SUGCT: variants seen among roughly 807,000 people sequenced by gnomAD.
SUGCT encodes the protein succinyl-CoA:glutarate-CoA transferase.
Under a neutral mutation model 55.0 loss-of-function variants are expected in SUGCT, and 41 were observed. The ratio of observed to expected loss-of-function variants is 0.74; its 90% CI spans 0.58 to 0.97. The LOEUF (loss-of-function observed/expected upper bound fraction) is 0.97. Among genes scored for constraint, SUGCT ranks in the 50% least tolerant of loss-of-function variants. The probability of loss-of-function intolerance (pLI) is 0.00; values close to 1 mark genes in which losing one functional copy is unlikely to be tolerated. For synonymous variants in SUGCT, 187 were observed against 200.4 expected (o/e 0.93, Z 0.56); for missense variants, 568 against 547.8 (o/e 1.04, Z -0.37).
intron 12 of SUGCT, among the ~76,000 whole-genome samples, chr7:40,689,071 T>C (rs975502485): frequency 5.3e-5 from 8 of 152,190 alleles, no homozygotes; most frequent in African/African-American, 1.4e-4. Flanking sequence ...GAGAGACTTA[T>C]TTTTCTGAGG....
chr7:40,371,879 C>T (rs988876899), intron 9 of SUGCT, among the ~76,000 whole-genome samples: 1 of 151,798 alleles, frequency 6.6e-6, no homozygotes, highest in African/African-American at 2.4e-5. Flanking sequence ...ACTGGAATTT[C>T]TTTCTAATCC....
intron 1 of SUGCT, chr7:40,151,635 C>T (rs1202765247): frequency 4.4e-6 from 1 of 227,642 alleles, no homozygotes; most frequent in East Asian, 1.1e-4. Context: ...TTCAAGAAGC[C>T]ACTAACAGCT....
intron 12 of SUGCT, among the ~76,000 whole-genome samples, chr7:40,529,633 T>C (rs1793982338): frequency 6.6e-6 from 1 of 152,198 alleles, no homozygotes; most frequent in Non-Finnish European, 1.5e-5. Flanking sequence ...GAACACCCTC[T>C]TGGGAAGAAG....
chr7:41,015,249 T>C, the SUGCT span, among the ~76,000 whole-genome samples: 2 of 152,152 alleles, frequency 1.3e-5, no homozygotes, highest in East Asian at 3.9e-4. Flanking sequence ...GGACACTTGG[T>C]ATTTACTTTT....
intron 1 of SUGCT, among the ~76,000 whole-genome samples, chr7:40,138,540 G>A (rs1787815930): frequency 6.6e-6 from 1 of 152,186 alleles, no homozygotes; most frequent in African/African-American, 2.4e-5. Context: ...TCTTCCGGTA[G>A]TTCTATTTTT....
At chr7:40,400,534 G>T (rs969217317) in intron 9 of SUGCT, among the ~76,000 whole-genome samples, 1 of 152,068 alleles carries the variant, frequency 6.6e-6, no homozygotes, top group Non-Finnish European at 1.5e-5. Context: ...GTTAAGAGGC[G>T]ATATACTCTT....
chr7:40,943,271 A>C, the SUGCT span, among the ~76,000 whole-genome samples: 6 of 146,746 alleles, frequency 4.1e-5, no homozygotes, highest in East Asian at 2.0e-4. Flanking sequence ...ACTTTATTTT[A>C]TTATTATTAT....
At chr7:40,200,066 G>T (rs969949420) in intron 6 of SUGCT, among the ~76,000 whole-genome samples, 2 of 152,074 alleles carry the variant, frequency 1.3e-5, no homozygotes, top group African/African-American at 4.8e-5. Flanking sequence ...CTGACTGGCT[G>T]GTACATGAGT....
chr7:40,708,361 G>A (rs1465486359), intron 12 of SUGCT, among the ~76,000 whole-genome samples: 2 of 152,076 alleles, frequency 1.3e-5, no homozygotes, highest in Non-Finnish European at 2.9e-5. Flanking sequence ...CATCCTGCAG[G>A]GCCTGTCAGA....
intron 12 of SUGCT, among the ~76,000 whole-genome samples, chr7:40,528,234 T>C (rs1200383077): frequency 6.6e-6 from 1 of 152,202 alleles, no homozygotes; most frequent in African/African-American, 2.4e-5. Flanking sequence ...GCTTTTATTA[T>C]TTACTTTGAC....
At chr7:40,499,389 A>G in intron 12 of SUGCT, 1 of 194,854 alleles carries the variant, frequency 5.1e-6, no homozygotes, top group Non-Finnish European at 1.1e-5. Context: ...GATGGTAGAA[A>G]CTATTTCTAG....
intron 9 of SUGCT, among the ~76,000 whole-genome samples, chr7:40,323,680 A>T (rs1482486705): frequency 6.6e-6 from 1 of 152,168 alleles, no homozygotes; most frequent in Non-Finnish European, 1.5e-5. Context: ...GCTGTGAGCC[A>T]TTGCTCGCAG....
intron 12 of SUGCT, among the ~76,000 whole-genome samples, chr7:40,624,039 G>A (rs763333236): frequency 2.0e-5 from 3 of 152,168 alleles, no homozygotes; most frequent in Non-Finnish European, 4.4e-5. Context: ...ATGGACATGC[G>A]TTAAACAGGT....
chr7:40,597,886 C>T (rs1342627042), intron 12 of SUGCT, among the ~76,000 whole-genome samples: 1 of 152,078 alleles, frequency 6.6e-6, no homozygotes, highest in Non-Finnish European at 1.5e-5. Context: ...AATATAGGTA[C>T]TATTTTTTAT....
chr7:41,015,901 T>C, the SUGCT span, among the ~76,000 whole-genome samples: 1 of 152,124 alleles, frequency 6.6e-6, no homozygotes, highest in Admixed American at 6.5e-5. Flanking sequence ...GTTGCATGTA[T>C]GTGTGTGTGG....
chr7:40,271,248 G>GT (rs1444177091), intron 7 of SUGCT, among the ~76,000 whole-genome samples: 1 of 152,180 alleles, frequency 6.6e-6, no homozygotes, highest in Non-Finnish European at 1.5e-5. Flanking sequence ...AGTGGTTAGA[G>GT]TGGACATCCT....
At chr7:40,243,158 A>G (rs564690454) in intron 7 of SUGCT, among the ~76,000 whole-genome samples, 142 of 150,724 alleles carry the variant, frequency 9.4e-4, no homozygotes, top group African/African-American at 3.3e-3. Context: ...TTTAATGCAT[A>G]CAGAATTTGA....
chr7:40,394,916 A>G (rs1270500051), intron 9 of SUGCT, among the ~76,000 whole-genome samples: 1 of 152,142 alleles, frequency 6.6e-6, no homozygotes, highest in Admixed American at 6.5e-5. Context: ...CATACAACAC[A>G]TTTTCTTTAT....
the SUGCT span, among the ~76,000 whole-genome samples, chr7:40,897,592 C>T: frequency 2.2e-4 from 33 of 152,178 alleles, no homozygotes; most frequent in East Asian, 6.4e-3. Context: ...AGTTGTGTTA[C>T]ACTCAGAAGC....
Sources: allele counts gnomAD v4.1 joint callset (sites outside exome capture counted in the v4.1 genomes callset), GRCh38; gene constraint gnomAD v4.1.1; transcripts MANE v1.5; gene names NCBI Gene and HGNC (gene_info 2026-07-23, HGNC 2026-07-21).